TIRAP: variants seen among roughly 807,000 people sequenced by gnomAD.
The protein encoded by TIRAP is TIR domain containing adaptor protein, also known as toll/interleukin-1 receptor domain-containing adapter protein.
Under a neutral mutation model 19.8 loss-of-function variants are expected in TIRAP, and 20 were observed. The ratio of observed to expected loss-of-function variants is 1.01; its 90% CI spans 0.71 to 1.47. The LOEUF (loss-of-function observed/expected upper bound fraction) is 1.47, where lower values mean the gene tolerates loss of function less well. Ranked by LOEUF, TIRAP falls within the 40% of genes most tolerant of loss-of-function variation. The pLI, the probability that TIRAP is intolerant of heterozygous loss-of-function variation, is 0.00. For missense variants in TIRAP, 276 were observed against 285.1 expected, an observed-to-expected ratio of 0.97 and a Z score of 0.23; for synonymous variants, 125 against 121.7, an observed-to-expected ratio of 1.03 and a Z score of -0.18.
At chr11:126,289,910 C>T (rs1951360765) in intron 1 of TIRAP, 1 of 932,654 alleles carries the variant, frequency 1.1e-6, no homozygotes, top group African/African-American at 1.8e-5. Context: ...AACCTCCCCA[C>T]CAAAAAACCT....
intron 4 of TIRAP, 43 bp downstream of exon 4, chr11:126,293,098 CA>C (rs756548291): frequency 6.2e-7 from 1 of 1,613,044 alleles, no homozygotes; most frequent in Non-Finnish European, 8.5e-7. Context: ...GATTCAGCTA[CA>C]GTATCTGATC....
intron 1 of TIRAP, among the ~76,000 whole-genome samples, chr11:126,289,423 G>A (rs1437862307): frequency 1.3e-5 from 2 of 152,054 alleles, no homozygotes; most frequent in Non-Finnish European, 2.9e-5. Flanking sequence ...GATTATAGGC[G>A]CCTGCCACCA....
At chr11:126,283,448 G>A (rs8177349) in intron 1 of TIRAP, among the ~76,000 whole-genome samples, 1,634 of 152,382 alleles carry the variant, frequency 0.011, 14 homozygotes, top group Non-Finnish European at 0.017. Flanking sequence ...CTCGCTGGAA[G>A]AGCCTGGCGC....
intron 1 of TIRAP, chr11:126,289,961 T>A: frequency 5.4e-6 from 2 of 370,922 alleles, no homozygotes; most frequent in Non-Finnish European, 7.4e-6. Context: ...AGCACTGAAT[T>A]AATGATCAGT....
Position 126,291,481 on chromosome 11 carries a change from T to A in TIRAP, c.67+520T>A. On this transcript the variant is annotated intron_variant, in intron 3 of 4. Transcript: ENST00000392679. The surrounding 1 kb of genome is among the most constrained non-coding windows in gnomAD (Gnocchi z 5.6). ...CAAGAAGAGGCCCGGCTCCCTGACA[T>A]ACCTGACACTGCATTATCTCAGTTA... 8.6e-7 allele frequency: 1 copy of A among 1,164,874 alleles called. No individual in the cohort carries two copies. The allele number at this position is 1,164,874 out of a possible 1,614,324, so 72.2% of individuals were successfully genotyped here.
At position 126,290,918 on chromosome 11, in the gene TIRAP, A is replaced by G; in HGVS notation, c.24A>G (p.Pro8=). Residue 8 remains proline (P), a synonymous_variant, in exon 3 of 5, where the codon CCA becomes CCG. Coordinates refer to ENST00000392679, the MANE Select transcript of TIRAP (RefSeq NM_001318777.2). This position sits in a 1 kb window ranked among gnomAD's most constrained non-coding sequence, Gnocchi z 4.9. ...CTATGGCATCATCGACCTCCCTCCC[A>G]GCTCCTGGCTCTCGGCCTAAGAAGC... MASSTSL[P]APGSRPKKPL... 1 of 1,607,512 alleles carries G rather than the reference A, an allele frequency of 6.2e-7. No individual in the cohort carries two copies. Among genetic ancestry groups the G allele is most frequent in the Non-Finnish European group, 8.5e-7 (1 of 1,176,626 alleles).
rs746590765 is a variant in TIRAP at position 126,293,333 on chromosome 11, TA to T, written c.646+279del. On this transcript the variant is annotated intron_variant, in intron 4 of 4. Transcript: ENST00000392679. ...TACACGAAGGGCTCAGAACATGGCCTAGCACATGTATTCATAACAGGCAGCG... is the reference window on the plus strand; with the variant it reads ...TACACGAAGGGCTCAGAACATGGCCTGCACATGTATTCATAACAGGCAGCG... 7.2e-4 allele frequency: 518 copies of T among 717,052 alleles called. 3 individuals are homozygous for T. The highest frequency in any genetic ancestry group is 2.0e-4 in the Non-Finnish European group (79 of 398,848). The allele number at this position is 717,052 out of a possible 1,614,324, so 44.4% of individuals were successfully genotyped here.
At position 126,288,945 on chromosome 11, in the gene TIRAP, TG is replaced by T. The variant is rs2135287303; in HGVS notation, c.-216-1512del. Among the ~76,000 whole-genome samples the T allele has an allele frequency of 6.6e-6, 1 of 152,284 alleles. No individual in the cohort carries two copies. Among genetic ancestry groups the T allele is most frequent in the East Asian group, 1.9e-4 (1 of 5,184 alleles). ...AACCAAGTGACATCATGTTTACTAC[TG>T]GGGGCAAAAAGGCATCCTGAACGGC... On this transcript the variant is annotated intron_variant, in intron 1 of 4. Coordinates refer to ENST00000392679, the MANE Select transcript of TIRAP (RefSeq NM_001318777.2). The surrounding 1 kb of genome is among the most constrained non-coding windows in gnomAD (Gnocchi z 5.0).
intron 1 of TIRAP, among the ~76,000 whole-genome samples, chr11:126,285,364 C>T (rs369062013): frequency 2.6e-5 from 4 of 151,756 alleles, no homozygotes; most frequent in East Asian, 3.9e-4. Flanking sequence ...CAGGTTCAAG[C>T]GATTCTCCTG....
intron 4 of TIRAP, 198 bp downstream of exon 4, chr11:126,293,253 C>G: frequency 3.1e-6 from 3 of 977,050 alleles, no homozygotes; most frequent in Non-Finnish European, 4.7e-6. Flanking sequence ...CGCTCTGTGC[C>G]TTGGTTTCCT....
rs776604499 is a variant in TIRAP at position 126,291,503 on chromosome 11, G to A, written c.67+542G>A. ...ACATACCTGACACTGCATTATCTCA[G>A]TTAACTTTCAGCAACTAAGACAGGT... On this transcript the variant is annotated intron_variant, in intron 3 of 4. Coordinates refer to ENST00000392679, the MANE Select transcript of TIRAP (RefSeq NM_001318777.2). This position sits in a 1 kb window ranked among gnomAD's most constrained non-coding sequence, Gnocchi z 5.6. The A allele has an allele frequency of 2.1e-5, 22 of 1,041,914 alleles. No homozygotes were observed. In the South Asian group the frequency reaches 2.9e-4, roughly 14 times the overall value. 64.5% of individuals were successfully genotyped at this position (1,041,914 alleles called of 1,614,324 possible). A position where few individuals can be genotyped will look rare whatever the true frequency, so the allele number is the denominator to read the frequency against.
chr11:126,291,518 C>G lies in TIRAP; in HGVS notation c.67+557C>G. On this transcript the variant is annotated intron_variant, in intron 3 of 4. Transcript: ENST00000392679. This position sits in a 1 kb window ranked among gnomAD's most constrained non-coding sequence, Gnocchi z 5.6. ...CATTATCTCAGTTAACTTTCAGCAA[C>G]TAAGACAGGTCCACAAGTCCACAGT... 1.2e-6 allele frequency: 1 copy of G among 850,982 alleles called. No homozygotes were observed. Among genetic ancestry groups the G allele is most frequent in the African/African-American group, 1.8e-5 (1 of 57,072 alleles). 52.7% of individuals were successfully genotyped at this position (850,982 alleles called of 1,614,324 possible).
chr11:126,286,424 T>C (rs1340118970), intron 1 of TIRAP, among the ~76,000 whole-genome samples: 1 of 152,162 alleles, frequency 6.6e-6, no homozygotes, highest in Non-Finnish European at 1.5e-5. Context: ...GGGGCCACCC[T>C]AGGTCTGCAC....
rs184255980 is a variant in TIRAP at position 126,286,898 on chromosome 11, T to A, written c.-216-3564T>A. Among the ~76,000 whole-genome samples, 647 of 152,322 alleles carry A rather than the reference T, an allele frequency of 4.2e-3. 1 individual carries two copies. Among genetic ancestry groups the A allele is most frequent in the Non-Finnish European group, 7.2e-3 (492 of 68,016 alleles). ...TCTGAAGGCTCCAGGAAAGAACCCA[T>A]GGACTTGCCTTTTCCAGCTTCTAGA... On this transcript the variant is annotated intron_variant, in intron 1 of 4. Coordinates refer to ENST00000392679, the MANE Select transcript of TIRAP (RefSeq NM_001318777.2).
At chr11:126,293,283 A>G (rs2135294537) in intron 4 of TIRAP, 1 of 790,338 alleles carries the variant, frequency 1.3e-6, no homozygotes, top group Non-Finnish European at 2.1e-6. Flanking sequence ...ACAGGTTTCC[A>G]TTGCTATGAA....
At chr11:126,292,372 G>A in intron 3 of TIRAP, 105 bp from the exon 4 acceptor site, 2 of 1,192,678 alleles carry the variant, frequency 1.7e-6, no homozygotes, top group Admixed American at 2.1e-5. Flanking sequence ...CAGGGAGGTG[G>A]GCTGCAGTCT....
chr11:126,283,658 G>A (rs1951282256), intron 1 of TIRAP, among the ~76,000 whole-genome samples: 1 of 152,212 alleles, frequency 6.6e-6, no homozygotes, highest in African/African-American at 2.4e-5. Context: ...CAACGACTAG[G>A]GTGACCGCGG....
rs936028621 is a variant in TIRAP at position 126,288,968 on chromosome 11, C to T, written c.-216-1494C>T. 1.3e-5 allele frequency among the ~76,000 whole-genome samples: 2 copies of T among 152,144 alleles called. No individual in the cohort carries two copies. Among genetic ancestry groups the T allele is most frequent in the Admixed American group, 6.6e-5 (1 of 15,256 alleles). On this transcript the variant is annotated intron_variant, in intron 1 of 4. Coordinates refer to ENST00000392679, the MANE Select transcript of TIRAP (RefSeq NM_001318777.2). This position sits in a 1 kb window ranked among gnomAD's most constrained non-coding sequence, Gnocchi z 5.0. ...ACTGGGGGCAAAAAGGCATCCTGAA[C>T]GGCCCTAGCTGCAGCCTACCACTTA... is the stretch of plus-strand genomic sequence containing the variant.
At position 126,294,705 on chromosome 11, in the gene TIRAP, T is replaced by G; in HGVS notation, c.*1018T>G. On this transcript the variant is annotated 3_prime_UTR_variant, in exon 5 of 5. Transcript: ENST00000392679. The stretch of plus-strand genomic sequence containing the variant: ...TCCAATGTGTACTTTTGTGCCCCCC[T>G]CTCACTTCTCCCTATCATGACCCCT... The G allele has an allele frequency of 2.9e-6, 1 of 344,926 alleles. No individual in the cohort carries two copies. The allele number at this position is 344,926 out of a possible 1,614,324, so 21.4% of individuals were successfully genotyped here. A position where few individuals can be genotyped will look rare whatever the true frequency, so the allele number is the denominator to read the frequency against.
Sources: allele counts gnomAD v4.1 joint callset (sites outside exome capture counted in the v4.1 genomes callset), GRCh38; gene constraint gnomAD v4.1.1; non-coding constraint Gnocchi (gnomAD v3.1); transcripts MANE v1.5; gene names NCBI Gene and HGNC (gene_info 2026-07-23, HGNC 2026-07-21).